Variants in HSD17B12 observed in about 807,000 individuals in gnomAD.
The protein encoded by HSD17B12 is hydroxysteroid 17-beta dehydrogenase 12.
A neutral mutation model predicts 39.3 loss-of-function variants in HSD17B12; 32 were observed. The observed-to-expected ratio is 0.81, with a 90% CI of 0.61 to 1.09. The LOEUF (loss-of-function observed/expected upper bound fraction) is 1.09, where lower values mean the gene tolerates loss of function less well. Among genes scored for constraint, HSD17B12 ranks in the 50% least tolerant of loss-of-function variants. HSD17B12 has a pLI of 0.00. For missense variants in HSD17B12, 342 were observed against 382.9 expected, an observed-to-expected ratio of 0.89 and a Z score of 0.89; for synonymous variants, 150 against 146.7, an observed-to-expected ratio of 1.02 and a Z score of -0.16.
At chr11:43,559,814 C>T in the HSD17B12 span, 2 of 155,878 alleles carry the variant, frequency 1.3e-5, no homozygotes, top group African/African-American at 4.8e-5. Context: ...GAATGAAGTC[C>T]GACTTTTATC....
At chr11:43,593,063 C>T in the HSD17B12 span, among the ~76,000 whole-genome samples, 1 of 152,178 alleles carries the variant, frequency 6.6e-6, no homozygotes, top group East Asian at 1.9e-4. Context: ...AAATTGTATG[C>T]TCAATATTTG....
rs61737319 is a variant in HSD17B12 at position 43,838,378 on chromosome 11, A to G, written c.598A>G (p.Thr200Ala). ...TGGCATGCTCCCTGTCCCACTCTTG[A>G]CCATCTATTCTGCAACCAAGGTAAA... Reference protein sequence around the residue: ...GSGMLPVPLLTIYSATKTFVD... With the variant: ...GSGMLPVPLLAIYSATKTFVD... The change falls in exon 8 of 11, where the codon ACC becomes GCC. Residue 200 changes from threonine to alanine, a missense_variant. Transcript: ENST00000278353. 1.0e-3 allele frequency: 1,646 copies of G among 1,612,526 alleles called. 11 individuals are homozygous for G. In the African/African-American group the frequency reaches 0.014, roughly 14 times the overall value.
chr11:43,742,029 C>CT (rs1950370167), intron 1 of HSD17B12, among the ~76,000 whole-genome samples: 1 of 148,736 alleles, frequency 6.7e-6, no homozygotes, highest in South Asian at 2.1e-4. Flanking sequence ...CCACCGCGCC[C>CT]GGCAACTGAG....
the HSD17B12 span, among the ~76,000 whole-genome samples, chr11:43,636,355 G>A: frequency 2.0e-5 from 3 of 152,170 alleles, no homozygotes. Context: ...TGTGTCCTAG[G>A]AGGAAAGGAC....
At chr11:43,681,895 C>T (rs959699151) in intron 1 of HSD17B12, among the ~76,000 whole-genome samples, 3 of 141,114 alleles carry the variant, frequency 2.1e-5, no homozygotes, top group Admixed American at 2.1e-4. Flanking sequence ...CGTCTCTTGG[C>T]CTTTTTTCCC....
chr11:43,808,173 T>C (rs1230890821), intron 4 of HSD17B12, among the ~76,000 whole-genome samples: 1 of 152,196 alleles, frequency 6.6e-6, no homozygotes, highest in East Asian at 1.9e-4. Context: ...ATGTAGGAAT[T>C]CAAGTAGTTG....
intron 3 of HSD17B12, among the ~76,000 whole-genome samples, chr11:43,780,391 C>T (rs1382166127): frequency 2.6e-5 from 4 of 152,172 alleles, no homozygotes; most frequent in Non-Finnish European, 4.4e-5. Context: ...TGATCTCAAA[C>T]TCCTGACCTC....
chr11:43,655,390 C>T, the HSD17B12 span, among the ~76,000 whole-genome samples: 1 of 152,100 alleles, frequency 6.6e-6, no homozygotes, highest in South Asian at 2.1e-4. Context: ...AATTGAATGC[C>T]CTTTATTTCC....
At chr11:43,733,676 A>G (rs1448420891) in intron 1 of HSD17B12, 1 of 468,484 alleles carries the variant, frequency 2.1e-6, no homozygotes, top group East Asian at 5.3e-5. Flanking sequence ...AATCTTTAGT[A>G]ACTTTTAAAA....
intron 3 of HSD17B12, among the ~76,000 whole-genome samples, chr11:43,787,459 G>A (rs1590300059): frequency 6.6e-6 from 1 of 151,922 alleles, no homozygotes; most frequent in South Asian, 2.1e-4. Flanking sequence ...ATACTTGGCC[G>A]GGCACGGTGG....
chr11:43,633,180 G>GA, the HSD17B12 span, among the ~76,000 whole-genome samples: 6 of 152,060 alleles, frequency 3.9e-5, no homozygotes, highest in East Asian at 3.9e-4. Context: ...TCGGTTCAGT[G>GA]AAAAAATGTG....
chr11:43,617,901 C>T, the HSD17B12 span, among the ~76,000 whole-genome samples: 3 of 152,128 alleles, frequency 2.0e-5, no homozygotes, highest in Non-Finnish European at 4.4e-5. Context: ...TATCTTTTTA[C>T]GTGGACTGAG....
chr11:43,735,869 G>GGA (rs1244541470), intron 1 of HSD17B12, among the ~76,000 whole-genome samples: 1 of 152,266 alleles, frequency 6.6e-6, no homozygotes, highest in Non-Finnish European at 1.5e-5. Context: ...CCTGGTGGCA[G>GGA]GAGAGAGAGA....
chr11:43,798,609 A>G (rs1489312268), intron 4 of HSD17B12, among the ~76,000 whole-genome samples, 182 bp downstream of exon 4: 1 of 152,128 alleles, frequency 6.6e-6, no homozygotes, highest in Non-Finnish European at 1.5e-5. Context: ...TTTTAGTTCT[A>G]TATTAACAAC....
At chr11:43,826,620 C>CA (rs1366188878) in intron 6 of HSD17B12, among the ~76,000 whole-genome samples, 1 of 151,838 alleles carries the variant, frequency 6.6e-6, no homozygotes, top group Non-Finnish European at 1.5e-5. Flanking sequence ...TTAACTTTCA[C>CA]AAAAACTTAA....
intron 5 of HSD17B12, among the ~76,000 whole-genome samples, chr11:43,815,954 G>GA (rs1355040463): frequency 6.6e-6 from 1 of 152,104 alleles, no homozygotes; most frequent in African/African-American, 2.4e-5. Flanking sequence ...ATCCTTTACT[G>GA]AAAACGAGAA....
At chr11:43,750,667 T>C (rs562279384) in intron 1 of HSD17B12, among the ~76,000 whole-genome samples, 22 of 152,328 alleles carry the variant, frequency 1.4e-4, no homozygotes, top group African/African-American at 5.3e-4. Context: ...CAATTTACAG[T>C]GCCACCAGCA....
At chr11:43,736,519 G>T (rs938615070) in intron 1 of HSD17B12, among the ~76,000 whole-genome samples, 1 of 152,134 alleles carries the variant, frequency 6.6e-6, no homozygotes, top group African/African-American at 2.4e-5. Flanking sequence ...TGTAAACTGG[G>T]CATTTTCTTT....
At chr11:43,656,686 T>G in the HSD17B12 span, among the ~76,000 whole-genome samples, 107 of 152,340 alleles carry the variant, frequency 7.0e-4, no homozygotes, top group African/African-American at 2.3e-3. Flanking sequence ...AGCAGGGTGT[T>G]CAGTTTTCAT....
Sources: gnomAD v4.1 joint callset for allele counts (sites outside exome capture counted in the v4.1 genomes callset) on GRCh38, gnomAD v4.1.1 for gene constraint, MANE v1.5 for transcripts, NCBI Gene and HGNC (gene_info 2026-07-23, HGNC 2026-07-21) for gene names.